Variants in DLGAP2 observed in about 807,000 individuals in gnomAD.
DLGAP2 encodes disks large-associated protein 2.
DLGAP2 carries 26 observed loss-of-function variants against 100.3 expected under a neutral mutation model. That is an observed-to-expected ratio of 0.26 (90% CI 0.19 to 0.36). DLGAP2 has a LOEUF of 0.36. Among genes scored for constraint, DLGAP2 ranks in the 10% least tolerant of loss-of-function variants. DLGAP2 has a pLI of 1.00. For missense variants in DLGAP2, 1,858 were observed against 1,453.2 expected (o/e 1.28, Z -4.53); for synonymous variants, 886 against 630.1 (o/e 1.41, Z -6.08).
At chr8:1,376,403 C>T (rs567292784) in intron 3 of DLGAP2, among the ~76,000 whole-genome samples, 97 of 152,368 alleles carry the variant, frequency 6.4e-4, no homozygotes, top group Non-Finnish European at 8.2e-4. Flanking sequence ...CCTTGAAAAG[C>T]GCCCCGCTGC....
Position 1,701,521 on chromosome 8 carries a change from G to C in DLGAP2, c.*115G>C. ...TCCCGCTGAACACGTCCTCGCTCCCGCGCTCCCCGCGCCCCGGACACAGCG... is the reference window on the plus strand; with the variant it reads ...TCCCGCTGAACACGTCCTCGCTCCCCCGCTCCCCGCGCCCCGGACACAGCG... On this transcript the variant is annotated 3_prime_UTR_variant, in exon 15 of 15. Coordinates refer to ENST00000637795, the MANE Select transcript of DLGAP2 (RefSeq NM_001346810.2). The C allele has an allele frequency of 1.7e-6, 2 of 1,143,586 alleles. No individual in the cohort carries two copies. Among genetic ancestry groups the C allele is most frequent in the East Asian group, 2.6e-5 (1 of 38,022 alleles). The allele number at this position is 1,143,586 out of a possible 1,614,324, so 70.8% of individuals were successfully genotyped here.
At position 1,705,980 on chromosome 8, in the gene DLGAP2, G is replaced by C. The variant is rs1247085050; in HGVS notation, c.*4574G>C. On this transcript the variant is annotated 3_prime_UTR_variant, in exon 15 of 15. Transcript: ENST00000637795. ...CAGTGTGCTTCATTCAGGGCCATGT[G>C]GCAGCCATGACACACACCACATAAG... 1 of 152,172 alleles carries C rather than the reference G, an allele frequency of 6.6e-6. No individual in the cohort carries two copies. Among genetic ancestry groups the C allele is most frequent in the African/African-American group, 2.4e-5 (1 of 41,432 alleles). 9.4% of individuals were successfully genotyped at this position (152,172 alleles called of 1,614,324 possible). A position where few individuals can be genotyped will look rare whatever the true frequency, so the allele number is the denominator to read the frequency against.
At chr8:1,054,193 C>G in intron 2 of DLGAP2, among the ~76,000 whole-genome samples, 1 of 150,684 alleles carries the variant, frequency 6.6e-6, no homozygotes. Context: ...CATGTACACG[C>G]ACGCACACAC....
chr8:1,362,207 G>A (rs1801997584), intron 3 of DLGAP2, among the ~76,000 whole-genome samples: 1 of 152,062 alleles, frequency 6.6e-6, no homozygotes, highest in African/African-American at 2.4e-5. Flanking sequence ...AGGTGGCAGC[G>A]AGTCCTCGGG....
intron 4 of DLGAP2, among the ~76,000 whole-genome samples, chr8:1,528,511 C>G (rs974474006): frequency 6.6e-6 from 1 of 152,234 alleles, no homozygotes; most frequent in African/African-American, 2.4e-5. Flanking sequence ...CAGCTAGGAA[C>G]TTGACAGAAA....
At chr8:899,286 T>C (rs1241974854) in intron 1 of DLGAP2, among the ~76,000 whole-genome samples, 2 of 152,244 alleles carry the variant, frequency 1.3e-5, no homozygotes, top group Admixed American at 6.5e-5. Context: ...CTGTGAGCCA[T>C]TGGCCAAAGG....
chr8:1,668,242 C>A, intron 8 of DLGAP2, 87 bp from the exon 9 acceptor site: 1 of 1,283,616 alleles, frequency 7.8e-7, no homozygotes, highest in Non-Finnish European at 1.1e-6. Flanking sequence ...GCTCCGTCAA[C>A]CACAGGGCAT....
At position 859,278 on chromosome 8, in the gene DLGAP2, A is replaced by AT. The variant is rs551224366; in HGVS notation, c.19-48629dup. ...AGGCGCACGCCACGAAGCCTGGCTA[A>AT]TTTTTGTGCTTTTAATATAGGCAGG... On this transcript the variant is annotated intron_variant, in intron 1 of 14. Coordinates refer to ENST00000637795, the MANE Select transcript of DLGAP2 (RefSeq NM_001346810.2). Among the ~76,000 whole-genome samples, 1,151 of 152,134 alleles carry AT rather than the reference A, an allele frequency of 7.6e-3. 10 individuals are homozygous for AT. The highest frequency in any genetic ancestry group is 0.011 in the Non-Finnish European group (763 of 67,990).
At chr8:1,176,008 A>C (rs2116690436) in intron 2 of DLGAP2, among the ~76,000 whole-genome samples, 1 of 152,316 alleles carries the variant, frequency 6.6e-6, no homozygotes, top group African/African-American at 2.4e-5. Flanking sequence ...CCCGATAAAT[A>C]TTGACTGGTC....
chr8:852,621 CAG>C (rs1169772850), intron 1 of DLGAP2, among the ~76,000 whole-genome samples: 2 of 152,252 alleles, frequency 1.3e-5, no homozygotes, highest in Non-Finnish European at 2.9e-5. Flanking sequence ...AAATTGCGGA[CAG>C]AGTGTTATGT....
intron 1 of DLGAP2, among the ~76,000 whole-genome samples, chr8:820,796 T>A (rs748158912): frequency 3.3e-5 from 5 of 152,176 alleles, no homozygotes; most frequent in Non-Finnish European, 7.4e-5. Flanking sequence ...ATGGGAAAAT[T>A]GGAGATAACC....
At chr8:1,373,610 C>G (rs1484701403) in intron 3 of DLGAP2, 1 of 152,284 alleles carries the variant, frequency 6.6e-6, no homozygotes, top group African/African-American at 2.4e-5. Context: ...GGCGCTTTCT[C>G]TACCCAAACC....
chr8:1,468,907 C>G (rs1198793353), intron 3 of DLGAP2, among the ~76,000 whole-genome samples: 1 of 152,164 alleles, frequency 6.6e-6, no homozygotes, highest in Non-Finnish European at 1.5e-5. Context: ...CTGCTGTGCT[C>G]ACTCCAGCCT....
intron 2 of DLGAP2, among the ~76,000 whole-genome samples, chr8:928,866 G>C (rs117897197): frequency 0.019 from 2,940 of 152,038 alleles, 153 homozygotes; most frequent in Admixed American, 0.12. Context: ...TAAGTGGGTG[G>C]TCTGGGCTTA....
At chr8:1,593,328 G>A (rs891753134) in intron 6 of DLGAP2, among the ~76,000 whole-genome samples, 2 of 151,882 alleles carry the variant, frequency 1.3e-5, no homozygotes, top group Non-Finnish European at 2.9e-5. Context: ...GGTGGCGGGC[G>A]CCTGTAGTCC....
At chr8:1,139,035 G>A (rs73528439) in intron 2 of DLGAP2, among the ~76,000 whole-genome samples, 8,952 of 152,328 alleles carry the variant, frequency 0.059, 917 homozygotes, top group African/African-American at 0.21. Context: ...GTTACGCACT[G>A]TTCTAGTTGA....
intron 1 of DLGAP2, among the ~76,000 whole-genome samples, chr8:751,759 A>G (rs994324027): frequency 6.6e-6 from 1 of 152,046 alleles, no homozygotes; most frequent in African/African-American, 2.4e-5. Flanking sequence ...CTGACACTTT[A>G]TAGTAAGTCC....
In DLGAP2 at chr8:1,087,048, T is replaced by A. The variant is rs1803996023; in HGVS notation, c.74-171803T>A. The stretch of plus-strand genomic sequence containing the variant: ...CAAATTTAAGAAGATTGAAATCATA[T>A]CAAGTATCTTTTCTGACCACAATGA... On this transcript the variant is annotated intron_variant, in intron 2 of 14. Transcript: ENST00000637795. Among the ~76,000 whole-genome samples, 4 of 152,162 alleles carry A rather than the reference T, an allele frequency of 2.6e-5. No individual in the cohort carries two copies. The South Asian group carries it at 8.3e-4, about 31-fold the overall frequency.
At chr8:828,440 A>T (rs573274210) in intron 1 of DLGAP2, among the ~76,000 whole-genome samples, 27 of 152,346 alleles carry the variant, frequency 1.8e-4, no homozygotes, top group Non-Finnish European at 3.2e-4. Flanking sequence ...AAGAAGAGAA[A>T]TATGGCTCTG....
Sources: allele counts gnomAD v4.1 joint callset (sites outside exome capture counted in the v4.1 genomes callset), GRCh38; gene constraint gnomAD v4.1.1; transcripts MANE v1.5; gene names NCBI Gene and HGNC (gene_info 2026-07-23, HGNC 2026-07-21).